Variants in POF1B observed in about 807,000 individuals in gnomAD.
POF1B encodes protein POF1B.
POF1B carries 53 observed loss-of-function variants against 55.3 expected under a neutral mutation model. That is an observed-to-expected ratio of 0.96 (90% CI 0.77 to 1.20). The LOEUF (loss-of-function observed/expected upper bound fraction) is 1.20, where lower values mean the gene tolerates loss of function less well. Ranked by LOEUF, POF1B falls within the 50% of genes most tolerant of loss-of-function variation. POF1B has a pLI of 0.00. For missense variants in POF1B, 478 were observed against 420.5 expected (o/e 1.14, Z -1.20); for synonymous variants, 188 against 148.3 (o/e 1.27, Z -1.95).
intron 2 of POF1B, among the ~76,000 whole-genome samples, chrX:85,371,811 A>C (rs1247062579): frequency 9.0e-6 from 1 of 111,646 alleles, no homozygotes; most frequent in South Asian, 3.7e-4. Context: ...CCATAAACTC[A>C]ATAGAATTTG....
intron 6 of POF1B, among the ~76,000 whole-genome samples, chrX:85,333,443 C>G (rs749866772): frequency 9.0e-6 from 1 of 111,436 alleles, no homozygotes; most frequent in East Asian, 2.8e-4. Flanking sequence ...TTGATAGTAT[C>G]TAATACAATA....
chrX:85,282,059 C>T, intron 16 of POF1B, 144 bp downstream of exon 16: 1 of 697,607 alleles, frequency 1.4e-6, no homozygotes, highest in Non-Finnish European at 1.9e-6. Flanking sequence ...TTTGTTAATT[C>T]CCACTGTATA....
intron 4 of POF1B, 37 bp from the exon 5 acceptor site, chrX:85,351,488 G>A (rs896589716): frequency 2.8e-6 from 3 of 1,072,010 alleles, no homozygotes; most frequent in Non-Finnish European, 3.9e-6. Context: ...TGTTTTGAAA[G>A]TTGTCTTTTC....
intron 8 of POF1B, among the ~76,000 whole-genome samples, chrX:85,315,409 C>G (rs1227450855): frequency 1.8e-5 from 2 of 110,767 alleles, no homozygotes; most frequent in Non-Finnish European, 3.8e-5. Context: ...AATAAATACA[C>G]CTACTATGTA....
chrX:85,346,410 A>G (rs1933272804), intron 5 of POF1B, among the ~76,000 whole-genome samples: 1 of 110,246 alleles, frequency 9.1e-6, no homozygotes, highest in Admixed American at 9.8e-5. Flanking sequence ...AAAACACTAT[A>G]ATACCGAAGA....
In POF1B at chrX:85,305,922, A is replaced by G; in HGVS notation, c.1318-12T>C. ...CAAGTCTCAGAAACCTACAGAAGGC[A>G]AAATAACTATCTGTAATTGGATTGT... On this transcript the variant is annotated splice_polypyrimidine_tract_variant and intron_variant, in intron 12 of 16. Transcript: ENST00000262753. 11 of 1,203,055 alleles carry G rather than the reference A, an allele frequency of 9.1e-6. No homozygotes were observed. Among genetic ancestry groups the G allele is most frequent in the Non-Finnish European group, 1.2e-5 (11 of 891,344 alleles).
In POF1B at chrX:85,379,606, C is replaced by T. The variant is rs1334919192; in HGVS notation, c.-42+33G>A. The T allele has an allele frequency of 1.6e-5, 9 of 562,854 alleles. No individual in the cohort carries two copies. The East Asian group carries it at 3.3e-4, about 20-fold the overall frequency. The allele number at this position is 562,854 out of a possible 1,213,427, so 46.4% of individuals were successfully genotyped here. ...TGGAAACCGCTTATCAAAACCTCTGCCAATAGTGGTGCCGGGAAGAGAAGA... is the reference window on the plus strand; with the variant it reads ...TGGAAACCGCTTATCAAAACCTCTGTCAATAGTGGTGCCGGGAAGAGAAGA... On this transcript the variant is annotated intron_variant, in intron 1 of 16. Coordinates refer to ENST00000262753, the MANE Select transcript of POF1B (RefSeq NM_024921.4).
intron 10 of POF1B, 27 bp downstream of exon 10, chrX:85,308,097 T>C (rs1361890107): frequency 2.9e-6 from 3 of 1,052,499 alleles, no homozygotes; most frequent in Non-Finnish European, 3.9e-6. Context: ...CTAGAAAGGC[T>C]TTGGAAAAAA....
intron 2 of POF1B, among the ~76,000 whole-genome samples, 190 bp from the exon 3 acceptor site, chrX:85,367,956 AAG>A (rs1211874413): frequency 1.8e-5 from 2 of 111,878 alleles, no homozygotes; most frequent in African/African-American, 3.2e-5. Flanking sequence ...CCAATGATAA[AAG>A]AGTTTCTAGA....
chrX:85,351,437 T>C lies in POF1B; in HGVS notation c.453A>G (p.Gln151=). The part of the protein sequence containing the change: ...VQNPEQEPLS[Q]FLRGSHFFPG... The stretch of plus-strand genomic sequence containing the variant: ...GGAAGAAATGGCTTCCTCTTAGGAA[T>C]TGAGACAGTGGTTCCTAAAATGATA... Residue 151 remains glutamine, a synonymous_variant, in exon 5 of 17, where the codon CAA becomes CAG. Transcript: ENST00000262753. The C allele has an allele frequency of 8.5e-7, 1 of 1,178,214 alleles. No individual in the cohort carries two copies. The highest frequency in any genetic ancestry group is 1.9e-5 in the South Asian group (1 of 53,637).
chrX:85,322,178 A>C (rs926770017), intron 7 of POF1B, among the ~76,000 whole-genome samples: 1 of 111,356 alleles, frequency 9.0e-6, no homozygotes, highest in African/African-American at 3.3e-5. Context: ...GTATCATGCT[A>C]CCTGACTTCA....
At chrX:85,339,599 G>C (rs187599670) in intron 6 of POF1B, among the ~76,000 whole-genome samples, 1 of 111,693 alleles carries the variant, frequency 9.0e-6, no homozygotes, top group East Asian at 2.9e-4. Context: ...AATAAAAGCA[G>C]TTTCAGGAAC....
rs778301082 is a variant in POF1B, at chrX:85,277,765, A to T, written c.*1656T>A. ...TAACTGCCCCTGAATTTTTGACACT[A>T]TTATTTTTAAGTATTTTGGAAAACT... On this transcript the variant is annotated 3_prime_UTR_variant, in exon 17 of 17. Transcript: ENST00000262753. 9.0e-6 allele frequency: 1 copy of T among 110,826 alleles called. No homozygotes were observed. The highest frequency in any genetic ancestry group is 1.9e-5 in the Non-Finnish European group (1 of 52,531). The allele number at this position is 110,826 out of a possible 1,213,427, so 9.1% of individuals were successfully genotyped here. A position where few individuals can be genotyped will look rare whatever the true frequency, so the allele number is the denominator to read the frequency against.
chrX:85,291,299 G>A (rs944819107), intron 15 of POF1B, among the ~76,000 whole-genome samples: 1 of 111,648 alleles, frequency 9.0e-6, no homozygotes, highest in Admixed American at 9.5e-5. Flanking sequence ...CTATGTATCT[G>A]TTCTTGTACC....
At chrX:85,316,895 G>A (rs1164110690) in intron 7 of POF1B, among the ~76,000 whole-genome samples, 1 of 110,068 alleles carries the variant, frequency 9.1e-6, no homozygotes, top group Non-Finnish European at 1.9e-5. Context: ...CCTCAAGTAG[G>A]CCCCAGAGTC....
intron 7 of POF1B, among the ~76,000 whole-genome samples, chrX:85,320,791 C>T (rs1266156497): frequency 9.0e-6 from 1 of 111,412 alleles, no homozygotes; most frequent in Non-Finnish European, 1.9e-5. Flanking sequence ...ATACAAACTA[C>T]CATCAGAGAA....
At chrX:85,333,333 A>C (rs1933011286) in intron 6 of POF1B, among the ~76,000 whole-genome samples, 2 of 111,475 alleles carry the variant, frequency 1.8e-5, no homozygotes, top group African/African-American at 6.5e-5. Context: ...ATTATTTTTA[A>C]TTGTTTTATT....
chrX:85,379,548 G>C, intron 1 of POF1B, 53 bp from the exon 2 acceptor site: 9 of 966,836 alleles, frequency 9.3e-6, no homozygotes, highest in Non-Finnish European at 1.3e-5. Flanking sequence ...CAAGCAGGCA[G>C]TCAGGCAGGC....
At position 85,321,626 on chromosome X, in the gene POF1B, T is replaced by A. The variant is rs1036986582; in HGVS notation, c.855-5892A>T. The stretch of plus-strand genomic sequence containing the variant: ...GGCAGGAGAAGGAAATAAAGGGTAT[T>A]CAATTAGGAAAAGAGGAAGTCAAAT... On this transcript the variant is annotated intron_variant, in intron 7 of 16. Coordinates refer to ENST00000262753, the MANE Select transcript of POF1B (RefSeq NM_024921.4). Among the ~76,000 whole-genome samples the A allele has an allele frequency of 9.5e-4, 101 of 106,474 alleles. 1 individual carries two copies. The highest frequency in any genetic ancestry group is 5.8e-4 in the Non-Finnish European group (30 of 52,049). The allele number at this position is 106,474 out of a possible 115,157, so 92.5% of individuals were successfully genotyped here.
Sources: gnomAD v4.1 joint callset for allele counts (sites outside exome capture counted in the v4.1 genomes callset) on GRCh38, gnomAD v4.1.1 for gene constraint, MANE v1.5 for transcripts, NCBI Gene and HGNC (gene_info 2026-07-23, HGNC 2026-07-21) for gene names.